The following KSR1 variants were observed in gnomAD, a reference collection of about 807,000 sequenced individuals.
The protein encoded by KSR1 is kinase suppressor of ras 1.
Under a neutral mutation model 92.9 loss-of-function variants are expected in KSR1, and 35 were observed. The ratio of observed to expected loss-of-function variants is 0.38; its 90% CI spans 0.29 to 0.50. The LOEUF (loss-of-function observed/expected upper bound fraction) is 0.50, where lower values mean the gene tolerates loss of function less well. KSR1 is among the 20% of genes least tolerant of loss of function. The probability of loss-of-function intolerance (pLI) is 0.94; values close to 1 mark genes in which losing one functional copy is unlikely to be tolerated. For missense variants in KSR1, 972 were observed against 1,158.5 expected, an observed-to-expected ratio of 0.84 and a Z score of 2.34; for synonymous variants, 467 against 472.6, an observed-to-expected ratio of 0.99 and a Z score of 0.15.
intron 1 of KSR1, among the ~76,000 whole-genome samples, chr17:27,498,510 C>G (rs1325313517): frequency 1.3e-5 from 2 of 152,152 alleles, no homozygotes; most frequent in East Asian, 3.8e-4. Context: ...CCGGACAGTC[C>G]AGTGGTTCTC....
intron 1 of KSR1, among the ~76,000 whole-genome samples, chr17:27,549,859 T>C (rs1271590441): frequency 6.6e-6 from 1 of 152,204 alleles, no homozygotes; most frequent in Non-Finnish European, 1.5e-5. Context: ...GAGACTTTTA[T>C]AGGGGGTTAA....
chr17:27,463,521 T>G (rs2019546741), intron 1 of KSR1, among the ~76,000 whole-genome samples: 2 of 151,658 alleles, frequency 1.3e-5, no homozygotes, highest in Admixed American at 6.6e-5. Context: ...GATTCTGGGA[T>G]AAGTGTCAGG....
intron 9 of KSR1, among the ~76,000 whole-genome samples, chr17:27,595,004 G>T (rs1207948855): frequency 6.6e-6 from 1 of 152,196 alleles, no homozygotes; most frequent in Non-Finnish European, 1.5e-5. Flanking sequence ...TGAGAAGAGG[G>T]AGGGCTCAGT....
At chr17:27,525,807 C>A (rs528901979) in intron 1 of KSR1, among the ~76,000 whole-genome samples, 2 of 152,144 alleles carry the variant, frequency 1.3e-5, no homozygotes, top group African/African-American at 4.8e-5. Flanking sequence ...CAAGGACACC[C>A]CGGGTAGTCT....
Position 27,623,544 on chromosome 17 carries a change from A to C in KSR1, c.*152A>C. Reference sequence around the variant, plus strand: ...ATTCAGACTGTTGGCCATAAACCCCACTCGGGAGATGGAGCTGCACCTGCT... The same window carrying C: ...ATTCAGACTGTTGGCCATAAACCCCCCTCGGGAGATGGAGCTGCACCTGCT... On this transcript the variant is annotated 3_prime_UTR_variant, in exon 21 of 21. Transcript: ENST00000644974. 1.5e-6 allele frequency: 1 copy of C among 666,346 alleles called. No individual in the cohort carries two copies. The highest frequency in any genetic ancestry group is 2.7e-6 in the Non-Finnish European group (1 of 372,820). 41.3% of individuals were successfully genotyped at this position (666,346 alleles called of 1,614,324 possible). A position where few individuals can be genotyped will look rare whatever the true frequency, so the allele number is the denominator to read the frequency against.
At chr17:27,514,660 C>CA (rs1177388900) in intron 1 of KSR1, among the ~76,000 whole-genome samples, 2,009 of 92,460 alleles carry the variant, frequency 0.022, 37 homozygotes, top group African/African-American at 0.055. Context: ...AACTCCATCT[C>CA]AAAAAAAAAA....
At chr17:27,588,355 G>A in intron 5 of KSR1, 120 bp from the exon 6 acceptor site, 1 of 767,994 alleles carries the variant, frequency 1.3e-6, no homozygotes, top group Non-Finnish European at 2.0e-6. Flanking sequence ...TCAGGGAGAT[G>A]CTTATATAAT....
chr17:27,546,778 T>C (rs1316356033), intron 1 of KSR1, among the ~76,000 whole-genome samples: 1 of 152,136 alleles, frequency 6.6e-6, no homozygotes, highest in Non-Finnish European at 1.5e-5. Flanking sequence ...ATAGGGCACA[T>C]GAGTGCATCC....
intron 11 of KSR1, among the ~76,000 whole-genome samples, chr17:27,603,216 C>T (rs2073628614): frequency 6.6e-6 from 1 of 152,220 alleles, no homozygotes; most frequent in Non-Finnish European, 1.5e-5. Context: ...CAGCTGCCCA[C>T]TCTTGGGCCC....
chr17:27,495,501 T>A (rs946927536), intron 1 of KSR1, among the ~76,000 whole-genome samples: 4 of 152,178 alleles, frequency 2.6e-5, no homozygotes, highest in African/African-American at 9.7e-5. Context: ...AGTCCCTTAG[T>A]ATCCTTGGGA....
intron 11 of KSR1, among the ~76,000 whole-genome samples, chr17:27,602,948 G>T (rs1567877436): frequency 6.6e-6 from 1 of 152,254 alleles, no homozygotes; most frequent in Non-Finnish European, 1.5e-5. Context: ...GAAGGTCGAG[G>T]GAGGTCTTTT....
rs1421303071 is a variant in KSR1 at position 27,577,845 on chromosome 17, A to T, written c.520+206A>T. 1.4e-6 allele frequency: 1 copy of T among 691,718 alleles called. No homozygotes were observed. The allele number at this position is 691,718 out of a possible 1,614,324, so 42.8% of individuals were successfully genotyped here. On this transcript the variant is annotated intron_variant, in intron 3 of 20. Transcript: ENST00000644974. This position sits in a 1 kb window ranked among gnomAD's most constrained non-coding sequence, Gnocchi z 4.5. ...GATCCTGGTGGGTCTGGCCAGGCCG[A>T]ATCTGAGGGGTTTCAGCCATGGTTA...
intron 9 of KSR1, among the ~76,000 whole-genome samples, chr17:27,596,923 C>T (rs558969410): frequency 1.3e-4 from 20 of 152,278 alleles, no homozygotes; most frequent in African/African-American, 4.3e-4. Flanking sequence ...GGAAAGTGCC[C>T]GTGGACATCT....
chr17:27,563,253 C>T (rs986924841), intron 2 of KSR1, among the ~76,000 whole-genome samples: 5 of 152,006 alleles, frequency 3.3e-5, no homozygotes, highest in African/African-American at 9.7e-5. Flanking sequence ...TTTTTCCTTT[C>T]TCCTTTCCTG....
intron 1 of KSR1, among the ~76,000 whole-genome samples, chr17:27,488,876 A>G (rs2150957579): frequency 6.6e-6 from 1 of 152,330 alleles, no homozygotes; most frequent in South Asian, 2.1e-4. Context: ...AGGCAAGAGA[A>G]TTGCTTGAAC....
At chr17:27,526,940 T>G in intron 1 of KSR1, 1 of 604,832 alleles carries the variant, frequency 1.7e-6, no homozygotes, top group Non-Finnish European at 3.0e-6. Context: ...TGACGCTCCC[T>G]TTCACCTTCT....
chr17:27,493,906 T>C (rs543959090), intron 1 of KSR1, among the ~76,000 whole-genome samples: 1 of 152,332 alleles, frequency 6.6e-6, no homozygotes, highest in South Asian at 2.1e-4. Flanking sequence ...CTGTTGAATT[T>C]ACTCCCTTTA....
chr17:27,529,596 A>G (rs1246303090), intron 1 of KSR1, among the ~76,000 whole-genome samples: 2 of 152,296 alleles, frequency 1.3e-5, no homozygotes, highest in Non-Finnish European at 2.9e-5. Flanking sequence ...ACATCTGCCC[A>G]TATGTTTCCA....
intron 1 of KSR1, among the ~76,000 whole-genome samples, chr17:27,493,805 T>C (rs1216199559): frequency 6.6e-6 from 1 of 152,156 alleles, no homozygotes; most frequent in Non-Finnish European, 1.5e-5. Context: ...ATTGCACTGG[T>C]TATATTCAGT....
Sources: allele counts gnomAD v4.1 joint callset (sites outside exome capture counted in the v4.1 genomes callset), GRCh38; gene constraint gnomAD v4.1.1; non-coding constraint Gnocchi (gnomAD v3.1); transcripts MANE v1.5; gene names NCBI Gene and HGNC (gene_info 2026-07-23, HGNC 2026-07-21).